Variants in PRDM6 observed in about 807,000 individuals in gnomAD.
PRDM6 encodes PR/SET domain 6.
Under a neutral mutation model 60.8 loss-of-function variants are expected in PRDM6, and 25 were observed. The observed-to-expected ratio is 0.41, with a 90% CI of 0.30 to 0.57. The LOEUF (loss-of-function observed/expected upper bound fraction) is 0.57, where lower values mean the gene tolerates loss of function less well. PRDM6 is among the 20% of genes least tolerant of loss of function. PRDM6 has a pLI of 0.27. For synonymous variants in PRDM6, 407 were observed against 357.4 expected, an observed-to-expected ratio of 1.14 and a Z score of -1.57; for missense variants, 839 against 821.3, an observed-to-expected ratio of 1.02 and a Z score of -0.26.
chr5:123,096,327 C>G (rs1005668844), intron 2 of PRDM6, among the ~76,000 whole-genome samples: 17 of 151,652 alleles, frequency 1.1e-4, no homozygotes, highest in Non-Finnish European at 2.4e-4. Context: ...TAGTTTGGTC[C>G]TCTCATATAG....
At chr5:123,136,966 G>A (rs897489355) in intron 3 of PRDM6, among the ~76,000 whole-genome samples, 1 of 152,172 alleles carries the variant, frequency 6.6e-6, no homozygotes, top group Non-Finnish European at 1.5e-5. Flanking sequence ...TTAATTCCCA[G>A]CTACATCTCT....
chr5:123,125,630 G>T (rs532889634), intron 3 of PRDM6, among the ~76,000 whole-genome samples: 1 of 152,154 alleles, frequency 6.6e-6, no homozygotes, highest in Non-Finnish European at 1.5e-5. Context: ...ACTCTTGGCT[G>T]GGGGAAATTG....
intron 5 of PRDM6, among the ~76,000 whole-genome samples, chr5:123,164,679 C>T (rs1765716597): frequency 6.6e-6 from 1 of 152,118 alleles, no homozygotes; most frequent in Non-Finnish European, 1.5e-5. Context: ...TGACAAAGGT[C>T]TCAGGGAAAG....
At chr5:123,168,797 T>C (rs1765819901) in intron 5 of PRDM6, among the ~76,000 whole-genome samples, 1 of 152,246 alleles carries the variant, frequency 6.6e-6, no homozygotes, top group African/African-American at 2.4e-5. Flanking sequence ...GAGCTAGTCC[T>C]CTGGTTGGAT....
intron 6 of PRDM6, 93 bp from the exon 7 acceptor site, chr5:123,180,054 T>G: frequency 8.2e-7 from 1 of 1,214,136 alleles, no homozygotes; most frequent in Non-Finnish European, 1.1e-6. Context: ...TGAGAAAATG[T>G]CACCAATAAG....
chr5:123,185,322 A>G (rs1490295655), intron 7 of PRDM6, among the ~76,000 whole-genome samples: 1 of 152,174 alleles, frequency 6.6e-6, no homozygotes, highest in East Asian at 1.9e-4. Context: ...GATAAAAAAA[A>G]GGAATATAAT....
At position 123,090,593 on chromosome 5, in the gene PRDM6, C is replaced by T; in HGVS notation, c.579C>T (p.Ser193=). Residue 193 remains serine (S), a synonymous_variant, in exon 2 of 8, where the codon AGC becomes AGT. Coordinates refer to ENST00000407847, the MANE Select transcript of PRDM6 (RefSeq NM_001136239.4). ...MEIIPLNQHT[S]DPNNRCDMCA... ...TCATCCCGCTCAACCAGCACACCAGCGACCCCAACAACCGTACGTAGCCGC... is the reference window on the plus strand; with the variant it reads ...TCATCCCGCTCAACCAGCACACCAGTGACCCCAACAACCGTACGTAGCCGC... 5 of 1,523,892 alleles carry T rather than the reference C, an allele frequency of 3.3e-6. No individual in the cohort carries two copies. Among genetic ancestry groups the T allele is most frequent in the African/African-American group, 2.8e-5 (2 of 71,530 alleles). The allele number at this position is 1,523,892 out of a possible 1,614,324, so 94.4% of individuals were successfully genotyped here. A position where few individuals can be genotyped will look rare whatever the true frequency, so the allele number is the denominator to read the frequency against.
Position 123,159,500 on chromosome 5 carries a change from T to C in PRDM6, c.1029-14T>C, listed in dbSNP as rs1229961416. On this transcript the variant is annotated splice_polypyrimidine_tract_variant and intron_variant, in intron 4 of 7. Transcript: ENST00000407847. ...TATGTATTACTAAGCTGGGTTTTCT[T>C]TTGTTTTGAATAGGTCGAATATATT... 3 of 1,549,098 alleles carry C rather than the reference T, an allele frequency of 1.9e-6. No homozygotes were observed. In the African/African-American group the frequency reaches 4.1e-5, roughly 21 times the overall value.
chr5:123,152,452 T>G (rs1029156073), intron 3 of PRDM6, among the ~76,000 whole-genome samples: 3 of 152,146 alleles, frequency 2.0e-5, no homozygotes. Context: ...TTTTTAAACA[T>G]TGTTCAGGAA....
At chr5:123,185,615 G>C (rs1766269391) in intron 7 of PRDM6, among the ~76,000 whole-genome samples, 1 of 152,150 alleles carries the variant, frequency 6.6e-6, no homozygotes, top group Non-Finnish European at 1.5e-5. Context: ...AGTGGAACAG[G>C]CTGCTAAAAA....
At chr5:123,184,782 T>C (rs1390909525) in intron 7 of PRDM6, among the ~76,000 whole-genome samples, 1 of 152,212 alleles carries the variant, frequency 6.6e-6, no homozygotes, top group African/African-American at 2.4e-5. Flanking sequence ...AAAAAATATT[T>C]TTATATCTAG....
intron 5 of PRDM6, among the ~76,000 whole-genome samples, chr5:123,161,070 T>C (rs1246805668): frequency 6.6e-6 from 1 of 152,228 alleles, no homozygotes; most frequent in Admixed American, 6.5e-5. Flanking sequence ...GTTGGAACCT[T>C]GATGTAACCA....
chr5:123,107,375 C>G (rs1764218758), intron 3 of PRDM6, among the ~76,000 whole-genome samples: 1 of 152,178 alleles, frequency 6.6e-6, no homozygotes, highest in African/African-American at 2.4e-5. Context: ...TACATTGTTA[C>G]AAGTGTGAAA....
intron 6 of PRDM6, among the ~76,000 whole-genome samples, chr5:123,178,840 A>G (rs1053642294): frequency 2.0e-5 from 3 of 152,182 alleles, no homozygotes; most frequent in Non-Finnish European, 4.4e-5. Context: ...GTACATGCTC[A>G]GTCACCATTG....
At chr5:123,094,504 C>A (rs1487978727) in intron 2 of PRDM6, among the ~76,000 whole-genome samples, 1 of 152,014 alleles carries the variant, frequency 6.6e-6, no homozygotes, top group Non-Finnish European at 1.5e-5. Flanking sequence ...CATGATTTAG[C>A]TATTTTACAT....
At chr5:123,182,952 C>A (rs1766197640) in intron 7 of PRDM6, among the ~76,000 whole-genome samples, 1 of 152,178 alleles carries the variant, frequency 6.6e-6, no homozygotes, top group Admixed American at 6.5e-5. Flanking sequence ...CCAGGTCTTT[C>A]AGAATTGATC....
intron 3 of PRDM6, among the ~76,000 whole-genome samples, chr5:123,148,535 T>C (rs1341523475): frequency 6.6e-6 from 1 of 151,802 alleles, no homozygotes; most frequent in African/African-American, 2.4e-5. Context: ...GGCACACTAG[T>C]CGGTGTTTAA....
At chr5:123,124,869 A>AATAAAG (rs1764657164) in intron 3 of PRDM6, among the ~76,000 whole-genome samples, 5 of 152,300 alleles carry the variant, frequency 3.3e-5, no homozygotes, top group African/African-American at 9.6e-5. Flanking sequence ...CTACGTGTAA[A>AATAAAG]ATAAAGATAT....
chr5:123,109,392 C>A (rs1029368912), intron 3 of PRDM6, among the ~76,000 whole-genome samples: 1 of 152,016 alleles, frequency 6.6e-6, no homozygotes, highest in Non-Finnish European at 1.5e-5. Flanking sequence ...TTGAGATTTT[C>A]CCCCGTTTTC....
Sources: allele counts gnomAD v4.1 joint callset (sites outside exome capture counted in the v4.1 genomes callset), GRCh38; gene constraint gnomAD v4.1.1; transcripts MANE v1.5; gene names NCBI Gene and HGNC (gene_info 2026-07-23, HGNC 2026-07-21).